SFSWAP: variants seen among roughly 807,000 people sequenced by gnomAD.
The protein encoded by SFSWAP is splicing factor, suppressor of white-apricot homolog.
Under a neutral mutation model 100.7 loss-of-function variants are expected in SFSWAP, and 17 were observed. That is an observed-to-expected ratio of 0.17 (90% confidence interval 0.12 to 0.25). The LOEUF is 0.25. Ranked by LOEUF, SFSWAP falls within the 10% of genes least tolerant of loss-of-function variation. SFSWAP has a pLI of 1.00. For synonymous variants in SFSWAP, 504 were observed against 510.1 expected, an observed-to-expected ratio of 0.99 and a Z score of 0.16; for missense variants, 1,005 against 1,262.6, an observed-to-expected ratio of 0.80 and a Z score of 3.09.
chr12:131,775,544 G>A (rs1010085559), intron 13 of SFSWAP, among the ~76,000 whole-genome samples: 3 of 152,260 alleles, frequency 2.0e-5, no homozygotes, highest in East Asian at 1.9e-4. Flanking sequence ...TGCTCAGCTC[G>A]CAAACCTGTG....
At chr12:131,759,614 A>G (rs1882474607) in intron 11 of SFSWAP, among the ~76,000 whole-genome samples, 1 of 151,912 alleles carries the variant, frequency 6.6e-6, no homozygotes, top group Non-Finnish European at 1.5e-5. Flanking sequence ...CCTGGCTAAC[A>G]CGGTGAAACC....
At chr12:131,765,707 G>A (rs965823541) in intron 12 of SFSWAP, among the ~76,000 whole-genome samples, 1 of 151,584 alleles carries the variant, frequency 6.6e-6, no homozygotes, top group Non-Finnish European at 1.5e-5. Flanking sequence ...AACTTCCATT[G>A]TGCTGTGGTG....
chr12:131,769,078 G>C (rs1199814774), intron 13 of SFSWAP, among the ~76,000 whole-genome samples: 1 of 151,394 alleles, frequency 6.6e-6, no homozygotes, highest in East Asian at 1.9e-4. Context: ...AGTGAGCCAA[G>C]ACTGCACCAC....
intron 13 of SFSWAP, among the ~76,000 whole-genome samples, chr12:131,776,537 G>A (rs931177414): frequency 5.9e-5 from 9 of 152,330 alleles, no homozygotes; most frequent in Middle Eastern, 3.4e-3. Flanking sequence ...TAGAAGAATC[G>A]TTTCTACAGT....
intron 13 of SFSWAP, among the ~76,000 whole-genome samples, chr12:131,774,751 C>G (rs1883874896): frequency 9.5e-6 from 1 of 104,868 alleles, no homozygotes; most frequent in African/African-American, 2.7e-5. Context: ...TAGTTTTCAC[C>G]TTCATGGTGA....
intron 11 of SFSWAP, chr12:131,756,848 C>T (rs1278266490): frequency 3.5e-6 from 2 of 572,156 alleles, no homozygotes; most frequent in Non-Finnish European, 3.1e-6. Flanking sequence ...TGAGTGTGAG[C>T]AGCCCTTAGG....
intron 14 of SFSWAP, chr12:131,785,292 T>C: frequency 1.0e-6 from 1 of 978,602 alleles, no homozygotes; most frequent in African/African-American, 1.7e-5. Flanking sequence ...TGGGAAAAAA[T>C]CAAAACGATT....
chr12:131,793,160 A>T (rs1222164451), intron 15 of SFSWAP, among the ~76,000 whole-genome samples: 2 of 151,620 alleles, frequency 1.3e-5, no homozygotes, highest in African/African-American at 4.8e-5. Context: ...TGTGATCTCG[A>T]CTCAGCCCGG....
At chr12:131,799,398 C>T in intron 17 of SFSWAP, 25 bp from the exon 18 acceptor site, 1 of 1,611,818 alleles carries the variant, frequency 6.2e-7, no homozygotes, top group South Asian at 1.1e-5. Flanking sequence ...TTCACAGGTT[C>T]TCCTCTGTGT....
chr12:131,753,580 T>C lies in SFSWAP; in HGVS notation c.1322+217T>C, dbSNP rs73160781. On this transcript the variant is annotated intron_variant, in intron 8 of 17. Coordinates refer to ENST00000261674, the MANE Select transcript of SFSWAP (RefSeq NM_004592.4). The stretch of plus-strand genomic sequence containing the variant: ...TTTAGCATTGAAGTTAAACCACTTA[T>C]AAAGTTGAATTCATTTCACGTCGCA... 1,100 of 602,062 alleles carry C rather than the reference T, an allele frequency of 1.8e-3. 8 individuals are homozygous for C. The highest frequency in any genetic ancestry group is 0.017 in the African/African-American group (911 of 54,674). The allele number at this position is 602,062 out of a possible 1,614,324, so 37.3% of individuals were successfully genotyped here.
intron 7 of SFSWAP, among the ~76,000 whole-genome samples, chr12:131,751,010 T>C (rs961151536): frequency 6.6e-6 from 1 of 152,206 alleles, no homozygotes; most frequent in Non-Finnish European, 1.5e-5. Flanking sequence ...TTGACATTTG[T>C]AGTGGATGAG....
chr12:131,796,793 AAAGG>A (rs1208103298), intron 15 of SFSWAP: 1 of 170,296 alleles, frequency 5.9e-6, no homozygotes, highest in African/African-American at 2.4e-5. Context: ...TTTTCAAAAA[AAAGG>A]AACACTAAAC....
chr12:131,712,288 A>C (rs1265139807), intron 1 of SFSWAP: 1 of 152,110 alleles, frequency 6.6e-6, no homozygotes, highest in Non-Finnish European at 1.5e-5. Context: ...GGGATTTCTA[A>C]AGGCGTTTGA....
At chr12:131,773,508 AT>A (rs993395549) in intron 13 of SFSWAP, among the ~76,000 whole-genome samples, 1 of 151,800 alleles carries the variant, frequency 6.6e-6, no homozygotes, top group Non-Finnish European at 1.5e-5. Flanking sequence ...GCCCAGCTAA[AT>A]TTTTTTGTAT....
intron 13 of SFSWAP, among the ~76,000 whole-genome samples, chr12:131,774,362 G>T (rs183143512): frequency 6.6e-6 from 1 of 152,214 alleles, no homozygotes; most frequent in African/African-American, 2.4e-5. Context: ...AATAATCGTT[G>T]CTGGTTCATG....
rs553140309 is a variant in SFSWAP, at chr12:131,766,040, T to C, written c.1952-78T>C. 53 of 1,437,318 alleles carry C rather than the reference T, an allele frequency of 3.7e-5. No homozygotes were observed. In the South Asian group the frequency reaches 4.9e-4, roughly 13 times the overall value. The allele number at this position is 1,437,318 out of a possible 1,614,324, so 89.0% of individuals were successfully genotyped here. On this transcript the variant is annotated intron_variant, in intron 12 of 17. Transcript: ENST00000261674. ...TAACTAACTGCATTGTATGACACTT[T>C]TGCAACCTGTGAAAATTAAGATCAG...
rs1311876628 is a variant in SFSWAP, at chr12:131,786,525, G to A, written c.2471G>A (p.Ser824Asn). Residue 824 changes from serine to asparagine, a missense_variant, in exon 15 of 18, where the codon AGT becomes AAT. This residue lies in a region of SFSWAP where 295 missense variants were observed against 347.9 expected (regional missense o/e 0.85). Coordinates refer to ENST00000261674, the MANE Select transcript of SFSWAP (RefSeq NM_004592.4). ...HSPERRREER[S>N]VPTAYRVSRS... The stretch of plus-strand genomic sequence containing the variant: ...CCTGAGAGACGGAGGGAAGAGAGGA[G>A]TGTGCCCACTGCCTACCGCGTGAGC... 6.3e-7 allele frequency: 1 copy of A among 1,587,864 alleles called. No homozygotes were observed. The highest frequency in any genetic ancestry group is 8.6e-7 in the Non-Finnish European group (1 of 1,168,158).
intron 14 of SFSWAP, among the ~76,000 whole-genome samples, chr12:131,779,820 CTT>C (rs992855128): frequency 8.5e-5 from 13 of 152,146 alleles, no homozygotes; most frequent in African/African-American, 2.9e-4. Flanking sequence ...AGTTTTTGCT[CTT>C]GTTTCCCAGG....
chr12:131,762,391 A>AC (rs1432432139), intron 11 of SFSWAP, among the ~76,000 whole-genome samples: 9 of 152,250 alleles, frequency 5.9e-5, no homozygotes, highest in African/African-American at 1.7e-4. Context: ...AGCCTGGGCA[A>AC]CACAGTGAAA....
Sources: gnomAD v4.1 joint callset for allele counts (sites outside exome capture counted in the v4.1 genomes callset) on GRCh38, gnomAD v4.1.1 for gene constraint, gnomAD v4.1.1 regional missense constraint, MANE v1.5 for transcripts, NCBI Gene and HGNC (gene_info 2026-07-23, HGNC 2026-07-21) for gene names.